Variants in TCTN3 observed in about 807,000 individuals in gnomAD.
The protein encoded by TCTN3 is tectonic-3.
Under a neutral mutation model 71.3 loss-of-function variants are expected in TCTN3, and 57 were observed. The ratio of observed to expected loss-of-function variants is 0.80; its 90% CI spans 0.65 to 1.00. The LOEUF is 1.00. Ranked by LOEUF, TCTN3 falls within the 50% of genes least tolerant of loss-of-function variation. TCTN3 has a pLI of 0.00. For missense variants in TCTN3, 696 were observed against 719.9 expected, an observed-to-expected ratio of 0.97 and a Z score of 0.38; for synonymous variants, 258 against 267.8, an observed-to-expected ratio of 0.96 and a Z score of 0.36.
intron 13 of TCTN3, among the ~76,000 whole-genome samples, chr10:95,672,309 T>TGGA (rs1353073053): frequency 2.6e-5 from 4 of 152,174 alleles, no homozygotes; most frequent in African/African-American, 9.6e-5. Context: ...CTCCTCAAGA[T>TGGA]GGATATTTGG....
At chr10:95,682,562 T>C (rs2097944028) in intron 12 of TCTN3, 89 bp downstream of exon 12, 2 of 1,435,470 alleles carry the variant, frequency 1.4e-6, no homozygotes, top group Non-Finnish European at 1.9e-6. Flanking sequence ...GCATTATCTA[T>C]GGAGACAAGG....
intron 13 of TCTN3, among the ~76,000 whole-genome samples, chr10:95,674,321 A>T (rs972316874): frequency 5.3e-5 from 8 of 152,154 alleles, no homozygotes; most frequent in Non-Finnish European, 1.0e-4. Flanking sequence ...TCATTTTTAA[A>T]TAACATCTAG....
chr10:95,669,130 G>T (rs998728564), intron 13 of TCTN3, among the ~76,000 whole-genome samples: 1 of 152,194 alleles, frequency 6.6e-6, no homozygotes, highest in Admixed American at 6.5e-5. Context: ...TGGCAGAGTA[G>T]TGGGGGGGTA....
intron 13 of TCTN3, among the ~76,000 whole-genome samples, chr10:95,674,006 T>C (rs765302328): frequency 1.3e-5 from 2 of 152,226 alleles, no homozygotes; most frequent in African/African-American, 2.4e-5. Context: ...TCAAGTACTG[T>C]AAGCCCTCCA....
At chr10:95,677,379 C>G (rs2097938072) in intron 13 of TCTN3, among the ~76,000 whole-genome samples, 1 of 150,966 alleles carries the variant, frequency 6.6e-6, no homozygotes, top group Admixed American at 6.6e-5. Context: ...ACAAAAAACA[C>G]TGATTAAAAA....
rs755530846 is a variant in TCTN3 at position 95,683,427 on chromosome 10, A to G, written c.1203+95T>C. On this transcript the variant is annotated intron_variant, in intron 10 of 13. Coordinates refer to ENST00000371217, the MANE Select transcript of TCTN3 (RefSeq NM_015631.6). ...AAGTACCTCATTATAATGAACAAAA[A>G]ATTCCTCACCTTTGGCTAGTCTAAC... The G allele has an allele frequency of 1.9e-6, 3 of 1,597,544 alleles. No homozygotes were observed. The East Asian group carries it at 6.8e-5, about 36-fold the overall frequency.
At chr10:95,685,460 T>C in intron 8 of TCTN3, 96 bp downstream of exon 8, 1 of 924,100 alleles carries the variant, frequency 1.1e-6, no homozygotes, top group Non-Finnish European at 1.6e-6. Flanking sequence ...CAAACAAAAT[T>C]CAGTTGGGTC....
chr10:95,672,685 C>CTTTTTT (rs766029244), intron 13 of TCTN3, among the ~76,000 whole-genome samples: 12 of 80,406 alleles, frequency 1.5e-4, no homozygotes, highest in East Asian at 7.0e-4. Flanking sequence ...CTGTTCAAAT[C>CTTTTTT]TTTTTTTTTT....
intron 6 of TCTN3, 40 bp from the exon 7 acceptor site, chr10:95,686,570 C>A: frequency 3.8e-6 from 6 of 1,597,004 alleles, no homozygotes; most frequent in South Asian, 1.1e-5. Context: ...ATATACCTTA[C>A]CAAAAATCAC....
chr10:95,681,507 T>C (rs1238941503), intron 12 of TCTN3, among the ~76,000 whole-genome samples: 1 of 152,156 alleles, frequency 6.6e-6, no homozygotes, highest in African/African-American at 2.4e-5. Context: ...TCAAAGAAGA[T>C]GATACGTAAG....
In TCTN3 at chr10:95,664,165, C is replaced by A. The variant is rs1461084854; in HGVS notation, c.1726G>T (p.Ala576Ser). 6.2e-7 allele frequency: 1 copy of A among 1,614,172 alleles called. No homozygotes were observed. Among genetic ancestry groups the A allele is most frequent in the Non-Finnish European group, 8.5e-7 (1 of 1,180,044 alleles). The change falls in exon 14 of 14, where the codon GCA (alanine) becomes TCA (serine). Residue 576 changes from alanine (A) to serine (S), a missense_variant. By Grantham distance (99) the Ala-to-Ser change is moderately conservative. Transcript: ENST00000371217. The stretch of plus-strand genomic sequence containing the variant: ...TGAGAGAATACTCCTCTGCTGAATG[C>A]CACTTTGAAGGGAAAGAAGTCGAAT... ...WPFDFFPFKV[A>S]FSRGVFSQKC...
At chr10:95,685,788 A>T (rs1311386304) in intron 7 of TCTN3, among the ~76,000 whole-genome samples, 152 bp from the exon 8 acceptor site, 1 of 152,190 alleles carries the variant, frequency 6.6e-6, no homozygotes, top group Non-Finnish European at 1.5e-5. Flanking sequence ...CTTAAATTCA[A>T]GTCTTTCTAA....
At chr10:95,681,079 G>A (rs984785866) in intron 12 of TCTN3, among the ~76,000 whole-genome samples, 8 of 145,644 alleles carry the variant, frequency 5.5e-5, no homozygotes, top group African/African-American at 2.0e-4. Context: ...CCCGACCTCT[G>A]ATCTTTTTTT....
rs10786229 is a variant in TCTN3, at chr10:95,687,616, A to T, written c.603T>A (p.Thr201=). ...GGESFTSTFQ[T]QSPPSFYRAG... ...CCCTGTAAAAAGATGGTGGTGATTG[A>T]GTTTGGAATGTTGAAGTGAATGATT... The change falls in exon 4 of 14, where the codon ACT becomes ACA. Residue 201 remains threonine (T), a synonymous_variant. Coordinates refer to ENST00000371217, the MANE Select transcript of TCTN3 (RefSeq NM_015631.6). 0.33 allele frequency: 537,389 copies of T among 1,613,760 alleles called. 93,694 individuals carry two copies. The highest frequency in any genetic ancestry group is 0.66 in the East Asian group (29,638 of 44,858).
At chr10:95,670,244 T>C (rs2097929640) in intron 13 of TCTN3, among the ~76,000 whole-genome samples, 1 of 152,206 alleles carries the variant, frequency 6.6e-6, no homozygotes, top group Admixed American at 6.5e-5. Flanking sequence ...CATAATTGTA[T>C]AGAAGTTTGG....
intron 13 of TCTN3, among the ~76,000 whole-genome samples, chr10:95,674,946 G>A (rs2097935491): frequency 1.3e-5 from 2 of 152,038 alleles, no homozygotes; most frequent in Admixed American, 6.5e-5. Context: ...ATTTGAGAGA[G>A]AAGCTACTGA....
chr10:95,682,504 AG>A, intron 12 of TCTN3, 146 bp downstream of exon 12: 2 of 892,408 alleles, frequency 2.2e-6, no homozygotes, highest in Non-Finnish European at 3.2e-6. Flanking sequence ...AAAAAAAAAA[AG>A]GCTTCAAGTG....
rs185562283 is a variant in TCTN3 at position 95,672,588 on chromosome 10, G to A, written c.1590+7884C>T. Among the ~76,000 whole-genome samples, 620 of 150,482 alleles carry A rather than the reference G, an allele frequency of 4.1e-3. 2 individuals carry two copies. The highest frequency in any genetic ancestry group is 0.022 in the Middle Eastern group (6 of 276). ...TGTGAGCATGAAGTAGTAGCGCACGGTTTTAATTTGCATATCTCTAATGAT... is the reference window on the plus strand; with the variant it reads ...TGTGAGCATGAAGTAGTAGCGCACGATTTTAATTTGCATATCTCTAATGAT... On this transcript the variant is annotated intron_variant, in intron 13 of 13. Coordinates refer to ENST00000371217, the MANE Select transcript of TCTN3 (RefSeq NM_015631.6).
At chr10:95,688,826 G>C (rs2139754056) in intron 3 of TCTN3, among the ~76,000 whole-genome samples, 1 of 152,226 alleles carries the variant, frequency 6.6e-6, no homozygotes, top group South Asian at 2.1e-4. Context: ...GTAGGAAAAG[G>C]GCTGTGATGC....
Sources: allele counts gnomAD v4.1 joint callset (sites outside exome capture counted in the v4.1 genomes callset), GRCh38; gene constraint gnomAD v4.1.1; transcripts MANE v1.5; gene names NCBI Gene and HGNC (gene_info 2026-07-23, HGNC 2026-07-21).